Variants in EPS8L2 observed in about 807,000 individuals in gnomAD.
EPS8L2 encodes the protein EPS8 signaling adaptor L2.
A neutral mutation model predicts 99.4 loss-of-function variants in EPS8L2; 81 were observed. The ratio of observed to expected loss-of-function variants is 0.82; its 90% CI spans 0.68 to 0.98. The LOEUF is 0.98. Ranked by LOEUF, EPS8L2 falls within the 50% of genes least tolerant of loss-of-function variation. The pLI is 0.00. For synonymous variants in EPS8L2, 509 were observed against 407.3 expected (o/e 1.25, Z -3.01); for missense variants, 1,155 against 968.8 (o/e 1.19, Z -2.55).
chr11:722,278 A>C (rs1862201547), intron 12 of EPS8L2, 113 bp downstream of exon 12: 8 of 1,537,334 alleles, frequency 5.2e-6, no homozygotes, highest in Non-Finnish European at 7.1e-6. Context: ...AGCCCGGTTC[A>C]CGCTGTGTGG....
Position 725,799 on chromosome 11 carries a change from C to T in EPS8L2, c.1632C>T (p.Asn544=). The T allele has an allele frequency of 4.3e-6, 6 of 1,380,688 alleles. No homozygotes were observed. Among genetic ancestry groups the T allele is most frequent in the Non-Finnish European group, 5.6e-6 (6 of 1,071,296 alleles). The allele number at this position is 1,380,688 out of a possible 1,614,324, so 85.5% of individuals were successfully genotyped here. A position where few individuals can be genotyped will look rare whatever the true frequency, so the allele number is the denominator to read the frequency against. Residue 544 remains asparagine, a synonymous_variant, in exon 17 of 21, where the codon AAC becomes AAT. Coordinates refer to ENST00000318562, the MANE Select transcript of EPS8L2 (RefSeq NM_022772.4). The part of the protein sequence containing the change: ...RSGQAGYVPC[N]ILGEARPEDA... ...GCCAGGCGGGGTACGTGCCCTGCAA[C>T]ATCCTAGGCGAGGCGCGACCGGAGG... is the stretch of plus-strand genomic sequence containing the variant.
Position 727,239 on chromosome 11 carries a change from C to A in EPS8L2, c.*258C>A. 2.8e-6 allele frequency: 1 copy of A among 361,594 alleles called. No individual in the cohort carries two copies. The highest frequency in any genetic ancestry group is 2.5e-5 in the African/African-American group (1 of 40,032). 22.4% of individuals were successfully genotyped at this position (361,594 alleles called of 1,614,324 possible). Reference sequence around the variant, plus strand: ...GCCCCTTGTCCACCTTCTCTTGAGGCCACAGAACTCCCTGGGGCTGGGGCC... The same window carrying A: ...GCCCCTTGTCCACCTTCTCTTGAGGACACAGAACTCCCTGGGGCTGGGGCC... On this transcript the variant is annotated 3_prime_UTR_variant, in exon 21 of 21. Coordinates refer to ENST00000318562, the MANE Select transcript of EPS8L2 (RefSeq NM_022772.4).
chr11:711,383 G>T (rs369980193), intron 4 of EPS8L2, among the ~76,000 whole-genome samples: 1 of 151,552 alleles, frequency 6.6e-6, no homozygotes. Context: ...TGTCACCCAG[G>T]TGCCCAGGCT....
chr11:720,127 G>A lies in EPS8L2; in HGVS notation c.231G>A (p.Lys77=), dbSNP rs369902639. The change falls in exon 5 of 21, where the codon AAG becomes AAA. Residue 77 remains lysine, a synonymous_variant. Transcript: ENST00000318562. The part of the protein sequence containing the change: ...AITSVDDAIR[K]LVQLSSKEKI... ...CGTCTGTGGACGACGCCATCCGGAA[G>A]CTGGTGCAGCTGAGCTCCAAGGAGA... The A allele has an allele frequency of 1.3e-5, 21 of 1,613,368 alleles. No individual in the cohort carries two copies. The highest frequency in any genetic ancestry group is 1.5e-5 in the Non-Finnish European group (18 of 1,180,008).
At chr11:726,235 G>T (rs555667741) in intron 18 of EPS8L2, 65 bp downstream of exon 18, 2 of 1,563,316 alleles carry the variant, frequency 1.3e-6, no homozygotes, top group East Asian at 4.7e-5. Context: ...GAAGTGTGGG[G>T]GGGGTCCCTG....
chr11:720,076 C>A lies in EPS8L2; in HGVS notation c.180C>A (p.Phe60Leu), dbSNP rs774160453. 3 of 1,612,510 alleles carry A rather than the reference C, an allele frequency of 1.9e-6. No individual in the cohort carries two copies. The highest frequency in any genetic ancestry group is 2.5e-6 in the Non-Finnish European group (3 of 1,179,616). Residue 60 changes from phenylalanine (F) to leucine (L), a missense_variant, in exon 5 of 21, where the codon TTC (phenylalanine) becomes TTA (leucine). Coordinates refer to ENST00000318562, the MANE Select transcript of EPS8L2 (RefSeq NM_022772.4). ...CCCACCCCCAGCACCTGGCCACATT[C>A]ATCATGGACAAGAGCGAAGCCATCA... ...SQYHVQHLAT[F>L]IMDKSEAITS...
Position 727,504 on chromosome 11 carries a change from G to A in EPS8L2, c.*523G>A, listed in dbSNP as rs1406010985. The A allele has an allele frequency of 6.5e-6, 1 of 153,848 alleles. No individual in the cohort carries two copies. Among genetic ancestry groups the A allele is most frequent in the Non-Finnish European group, 1.5e-5 (1 of 68,930 alleles). 9.5% of individuals were successfully genotyped at this position (153,848 alleles called of 1,614,324 possible). On this transcript the variant is annotated 3_prime_UTR_variant, in exon 21 of 21. Transcript: ENST00000318562. Reference sequence around the variant, plus strand: ...GGAACGACACACACTTCACCTGCAAGGGCCGACAACGCAGGGGACACCGTG... The same window carrying A: ...GGAACGACACACACTTCACCTGCAAAGGCCGACAACGCAGGGGACACCGTG...
rs769620020 is a variant in EPS8L2, at chr11:721,588, C to G, written c.792C>G (p.Asp264Glu). The G allele has an allele frequency of 6.4e-7, 1 of 1,568,506 alleles. No individual in the cohort carries two copies. Residue 264 changes from aspartate (D) to glutamate (E), a missense_variant, in exon 10 of 21, where the codon GAC (aspartate) becomes GAG (glutamate). Transcript: ENST00000318562. ...AGCAAATCCTCAACTGCGCCCTGGACGACATCGAGTGGTTTGTGGCCCGGC... is the reference window on the plus strand; with the variant it reads ...AGCAAATCCTCAACTGCGCCCTGGAGGACATCGAGTGGTTTGTGGCCCGGC... ...KETQILNCAL[D>E]DIEWFVARLQ...
chr11:715,667 C>T (rs549676013), intron 4 of EPS8L2, among the ~76,000 whole-genome samples: 1 of 140,888 alleles, frequency 7.1e-6, no homozygotes, highest in Non-Finnish European at 1.5e-5. Flanking sequence ...GTCGCCCAGG[C>T]TGGAGTGCAG....
In EPS8L2 at chr11:720,695, C is replaced by G; in HGVS notation, c.426C>G (p.Asp142Glu). The G allele has an allele frequency of 1.3e-6, 2 of 1,598,224 alleles. No individual in the cohort carries two copies. Among genetic ancestry groups the G allele is most frequent in the Non-Finnish European group, 1.7e-6 (2 of 1,173,862 alleles). Residue 142 changes from aspartate (D) to glutamate (E), a missense_variant, in exon 6 of 21, where the codon GAC (aspartate) becomes GAG (glutamate). By Grantham distance (45) the Asp-to-Glu change is conservative (BLOSUM62 2). Coordinates refer to ENST00000318562, the MANE Select transcript of EPS8L2 (RefSeq NM_022772.4). ...CTGTGCTGCTGCTCGTGTGCCAGGA[C>G]TCGGAGCAGAGCAAGCCGGATGTCC... ...YPSVLLLVCQ[D>E]SEQSKPDVHF... is the part of the protein sequence containing the mutation.
intron 4 of EPS8L2, among the ~76,000 whole-genome samples, chr11:711,303 CCTTT>C (rs1478039053): frequency 4.0e-5 from 6 of 149,730 alleles, no homozygotes; most frequent in African/African-American, 7.4e-5. Flanking sequence ...TTTTTTTCTT[CCTTT>C]CTTTCTCTCT....
intron 4 of EPS8L2, among the ~76,000 whole-genome samples, chr11:710,969 A>G (rs1156930614): frequency 4.6e-5 from 7 of 152,176 alleles, no homozygotes; most frequent in Admixed American, 1.3e-4. Context: ...TGTGCCGGGA[A>G]AACACTGTGG....
intron 16 of EPS8L2, among the ~76,000 whole-genome samples, chr11:725,353 A>C (rs1862285168): frequency 6.6e-6 from 1 of 152,190 alleles, no homozygotes; most frequent in Non-Finnish European, 1.5e-5. Context: ...TCTACAAAAA[A>C]CATAAAAATT....
chr11:716,605 G>A (rs1035866981), intron 4 of EPS8L2, among the ~76,000 whole-genome samples: 1 of 152,220 alleles, frequency 6.6e-6, no homozygotes, highest in African/African-American at 2.4e-5. Context: ...TTCATGGAAA[G>A]CTCTACATTC....
intron 4 of EPS8L2, among the ~76,000 whole-genome samples, chr11:714,451 G>T (rs762240281): frequency 6.6e-6 from 1 of 151,482 alleles, no homozygotes; most frequent in Non-Finnish European, 1.5e-5. Context: ...GGCTGGTCTC[G>T]AACTCCTGAT....
Position 720,333 on chromosome 11 carries a change from C to T in EPS8L2, c.327+110C>T, listed in dbSNP as rs150327738. On this transcript the variant is annotated intron_variant, in intron 5 of 20. Coordinates refer to ENST00000318562, the MANE Select transcript of EPS8L2 (RefSeq NM_022772.4). ...TCCTCTCTGCAGGGCCGGCCATGCC[C>T]TATCATTCTGGTCCCTGGAAGAGGA... 6.5e-4 allele frequency: 809 copies of T among 1,247,150 alleles called. 5 individuals are homozygous for T. In the East Asian group the frequency reaches 0.015, roughly 22 times the overall value. The allele number at this position is 1,247,150 out of a possible 1,614,324, so 77.3% of individuals were successfully genotyped here.
At chr11:726,235 G>A (rs555667741) in intron 18 of EPS8L2, 65 bp downstream of exon 18, 1 of 1,563,316 alleles carries the variant, frequency 6.4e-7, no homozygotes, top group Non-Finnish European at 8.7e-7. Flanking sequence ...GAAGTGTGGG[G>A]GGGGTCCCTG....
chr11:709,406 C>T lies in EPS8L2; in HGVS notation c.-2C>T. The T allele has an allele frequency of 6.3e-7, 1 of 1,584,978 alleles. No individual in the cohort carries two copies. ...CTCCCGCTGGCCGCCACCCAAGACA[C>T]CATGAGCCAGTCCGGGGCCGTGAGC... On this transcript the variant is annotated 5_prime_UTR_variant, in exon 2 of 21. Transcript: ENST00000318562.
At chr11:715,207 A>C (rs901942070) in intron 4 of EPS8L2, among the ~76,000 whole-genome samples, 5 of 151,396 alleles carry the variant, frequency 3.3e-5, no homozygotes, top group East Asian at 3.9e-4. Flanking sequence ...GCGCCACTGC[A>C]CTCCAGCCTG....
Sources: gnomAD v4.1 joint callset for allele counts (sites outside exome capture counted in the v4.1 genomes callset) on GRCh38, gnomAD v4.1.1 for gene constraint, MANE v1.5 for transcripts, NCBI Gene and HGNC (gene_info 2026-07-23, HGNC 2026-07-21) for gene names.